The following SLC30A6 variants were observed in gnomAD, a reference collection of about 807,000 sequenced individuals.
SLC30A6 encodes the protein zinc transporter 6.
Under a neutral mutation model 63.0 loss-of-function variants are expected in SLC30A6, and 55 were observed. That is an observed-to-expected ratio of 0.87 (90% CI 0.70 to 1.09). The LOEUF (loss-of-function observed/expected upper bound fraction) is 1.09, where lower values mean the gene tolerates loss of function less well. Among genes scored for constraint, SLC30A6 ranks in the 50% least tolerant of loss-of-function variants. SLC30A6 has a pLI of 0.00. For missense variants in SLC30A6, 587 were observed against 549.2 expected (o/e 1.07, Z -0.69); for synonymous variants, 224 against 186.1 (o/e 1.20, Z -1.66).
chr2:32,169,418 C>T (rs1462291056), intron 1 of SLC30A6, among the ~76,000 whole-genome samples: 2 of 152,136 alleles, frequency 1.3e-5, no homozygotes, highest in Non-Finnish European at 2.9e-5. Context: ...CTCAACTGAT[C>T]CTCCTGACTC....
At chr2:32,212,110 C>A (rs1573415033) in intron 13 of SLC30A6, among the ~76,000 whole-genome samples, 1 of 151,740 alleles carries the variant, frequency 6.6e-6, no homozygotes, top group Non-Finnish European at 1.5e-5. Flanking sequence ...CTTTTAATTT[C>A]CTTTTGATTT....
intron 13 of SLC30A6, among the ~76,000 whole-genome samples, chr2:32,211,552 T>C (rs1049527093): frequency 1.3e-5 from 2 of 152,174 alleles, no homozygotes; most frequent in African/African-American, 4.8e-5. Flanking sequence ...TTTACTAGAA[T>C]ATGTCTTGGC....
rs1349659134 is a variant in SLC30A6 at position 32,203,041 on chromosome 2, A to G, written c.666-1549A>G. 9 of 1,238,226 alleles carry G rather than the reference A, an allele frequency of 7.3e-6. No homozygotes were observed. The African/African-American group carries it at 8.9e-5, about 12-fold the overall frequency. 76.7% of individuals were successfully genotyped at this position (1,238,226 alleles called of 1,614,324 possible). On this transcript the variant is annotated intron_variant, in intron 10 of 13. Coordinates refer to ENST00000282587, the MANE Select transcript of SLC30A6 (RefSeq NM_017964.5). ...GCCATGAATCCACACATAAAACAGA[A>G]TGCCCAGTGTTTACATGGGGACATT... is the stretch of plus-strand genomic sequence containing the variant.
At chr2:32,193,472 GA>G (rs1220167049) in intron 7 of SLC30A6, among the ~76,000 whole-genome samples, 1 of 152,042 alleles carries the variant, frequency 6.6e-6, no homozygotes, top group African/African-American at 2.4e-5. Context: ...ATATATATAT[GA>G]AAAGAGAATT....
chr2:32,193,451 A>T (rs1374058614), intron 7 of SLC30A6, among the ~76,000 whole-genome samples: 3 of 152,070 alleles, frequency 2.0e-5, no homozygotes, highest in Admixed American at 6.6e-5. Context: ...TATTGCAACT[A>T]TGTGATTTTC....
At chr2:32,175,206 A>G (rs1681620204) in intron 3 of SLC30A6, 113 bp from the exon 4 acceptor site, 1 of 888,896 alleles carries the variant, frequency 1.1e-6, no homozygotes, top group Non-Finnish European at 1.8e-6. Flanking sequence ...TTGGCCCGTG[A>G]CTCAAAAGTT....
intron 1 of SLC30A6, among the ~76,000 whole-genome samples, chr2:32,166,283 G>A (rs1226635225): frequency 6.6e-6 from 1 of 150,968 alleles, no homozygotes; most frequent in Non-Finnish European, 1.5e-5. Context: ...GATTCTTAGA[G>A]CAGTGGCGAT....
At chr2:32,205,971 A>C (rs1409837012) in intron 11 of SLC30A6, among the ~76,000 whole-genome samples, 3 of 151,876 alleles carry the variant, frequency 2.0e-5, no homozygotes, top group Non-Finnish European at 4.4e-5. Context: ...ACCCGGCCTG[A>C]AATTTTTTTT....
intron 13 of SLC30A6, among the ~76,000 whole-genome samples, chr2:32,219,239 G>C (rs1378306023): frequency 6.6e-6 from 1 of 151,670 alleles, no homozygotes; most frequent in East Asian, 2.0e-4. Flanking sequence ...TCACCATGTT[G>C]GTCAGGCTGG....
At chr2:32,197,468 A>C in intron 9 of SLC30A6, 76 bp downstream of exon 9, 1 of 1,430,816 alleles carries the variant, frequency 7.0e-7, no homozygotes, top group Non-Finnish European at 9.8e-7. Context: ...TGGGAACTTA[A>C]ATTATTCGTT....
chr2:32,177,028 C>G (rs1355643094), intron 4 of SLC30A6, among the ~76,000 whole-genome samples: 3 of 152,062 alleles, frequency 2.0e-5, no homozygotes, highest in Non-Finnish European at 4.4e-5. Flanking sequence ...CCACCTTGGC[C>G]TCCCAAAGTG....
intron 6 of SLC30A6, 42 bp downstream of exon 6, chr2:32,192,458 C>A: frequency 6.5e-7 from 1 of 1,540,122 alleles, no homozygotes. Context: ...CCCCATGACA[C>A]CTTTGGGAAC....
At chr2:32,217,490 G>A (rs896754782) in intron 13 of SLC30A6, among the ~76,000 whole-genome samples, 1 of 152,236 alleles carries the variant, frequency 6.6e-6, no homozygotes, top group African/African-American at 2.4e-5. Context: ...TTGAATTCAG[G>A]TAATGTGATG....
At chr2:32,168,870 A>G (rs1219129513) in intron 1 of SLC30A6, among the ~76,000 whole-genome samples, 3 of 152,186 alleles carry the variant, frequency 2.0e-5, no homozygotes, top group Non-Finnish European at 4.4e-5. Flanking sequence ...GTTTATTCTG[A>G]TAGCAATGGC....
intron 13 of SLC30A6, among the ~76,000 whole-genome samples, chr2:32,217,428 T>C (rs1185681004): frequency 1.3e-5 from 2 of 152,208 alleles, no homozygotes; most frequent in African/African-American, 4.8e-5. Flanking sequence ...TTGGTCTATG[T>C]GTTTGTCTTT....
chr2:32,195,596 T>G (rs1003892259), intron 8 of SLC30A6, among the ~76,000 whole-genome samples: 2 of 151,744 alleles, frequency 1.3e-5, no homozygotes, highest in African/African-American at 4.8e-5. Flanking sequence ...AAGGAATTAT[T>G]TACTGGATTA....
At chr2:32,184,734 C>T (rs1365053193) in intron 5 of SLC30A6, among the ~76,000 whole-genome samples, 2 of 152,184 alleles carry the variant, frequency 1.3e-5, no homozygotes, top group Admixed American at 1.3e-4. Context: ...CATTGCACTC[C>T]AGCCTGGGCA....
chr2:32,177,582 G>C, intron 4 of SLC30A6: 1 of 178,006 alleles, frequency 5.6e-6, no homozygotes, highest in South Asian at 7.9e-5. Flanking sequence ...GTGAGCTACC[G>C]TGCCTGAGCA....
At chr2:32,176,397 G>A (rs941725616) in intron 4 of SLC30A6, among the ~76,000 whole-genome samples, 2 of 151,872 alleles carry the variant, frequency 1.3e-5, no homozygotes, top group Non-Finnish European at 2.9e-5. Flanking sequence ...AGTGGCTCAC[G>A]CCTGTAATCC....
Sources: gnomAD v4.1 joint callset for allele counts (sites outside exome capture counted in the v4.1 genomes callset) on GRCh38, gnomAD v4.1.1 for gene constraint, MANE v1.5 for transcripts, NCBI Gene and HGNC (gene_info 2026-07-23, HGNC 2026-07-21) for gene names.